Variants in ZNF782 observed in about 807,000 individuals in gnomAD.
The protein encoded by ZNF782 is zinc finger protein 782.
Under a neutral mutation model 13.0 loss-of-function variants are expected in ZNF782, and 12 were observed. That is an observed-to-expected ratio of 0.92 (90% confidence interval 0.59 to 1.50). ZNF782 has a LOEUF of 1.50. ZNF782 is among the 40% of genes most tolerant of loss of function. The probability of loss-of-function intolerance (pLI) is 0.00; values close to 1 mark genes in which losing one functional copy is unlikely to be tolerated. For synonymous variants in ZNF782, 284 were observed against 283.0 expected (o/e 1.00, Z -0.04); for missense variants, 770 against 822.9 (o/e 0.94, Z 0.79).
chr9:96,824,023 A>T (rs1850515927), intron 5 of ZNF782, among the ~76,000 whole-genome samples: 1 of 152,218 alleles, frequency 6.6e-6, no homozygotes, highest in Admixed American at 6.5e-5. Flanking sequence ...CAATCAACAG[A>T]AAAAGAGGGA....
upstream of ZNF782, among the ~76,000 whole-genome samples, chr9:96,880,004 T>C (rs1303832179): frequency 6.6e-6 from 1 of 152,232 alleles, no homozygotes; most frequent in East Asian, 1.9e-4. Context: ...ATGGCCAGGA[T>C]TCCCAGTACT....
In ZNF782 at chr9:96,818,650, G is replaced by C. The variant is rs754841571; in HGVS notation, c.1373C>G (p.Ser458Cys). Residue 458 changes from serine to cysteine, a missense_variant, in exon 6 of 6, where the codon TCT (serine) becomes TGT (cysteine). By Grantham distance (112) the Ser-to-Cys change is moderately radical. Transcript: ENST00000481138. ...KPFECHECGK[S>C]FNYKSILIVH... ...TATGAGGATTGACTTATAGTTAAAA[G>C]ATTTCCCACATTCATGACATTCGAA... is the stretch of plus-strand genomic sequence containing the variant. 27 of 1,614,048 alleles carry C rather than the reference G, an allele frequency of 1.7e-5. No individual in the cohort carries two copies. The highest frequency in any genetic ancestry group is 2.1e-5 in the Non-Finnish European group (25 of 1,180,026).
intron 1 of ZNF782, 56 bp downstream of exon 1, chr9:96,854,032 T>A (rs924327705): frequency 2.6e-5 from 4 of 152,216 alleles, no homozygotes; most frequent in African/African-American, 9.7e-5. Flanking sequence ...GAAACCTGAC[T>A]CTCATCCACG....
chr9:96,874,766 A>T (rs1851872791), intron 1 of ZNF782, among the ~76,000 whole-genome samples: 1 of 152,138 alleles, frequency 6.6e-6, no homozygotes, highest in African/African-American at 2.4e-5. Flanking sequence ...TTCCTAATTC[A>T]CAAGAGCTGC....
upstream of ZNF782, among the ~76,000 whole-genome samples, chr9:96,878,079 G>A (rs1588179820): frequency 1.3e-5 from 2 of 152,232 alleles, no homozygotes; most frequent in South Asian, 2.1e-4. Context: ...GCCTAGTTTC[G>A]CTCTTGTTGC....
In ZNF782 at chr9:96,854,106, A is replaced by C. The variant is rs1300012481; in HGVS notation, c.-280T>G. ...AACTTACCCGGGTTTTTCCAGCTCC[A>C]GAGCTCGGGGTCTCGATGCAGACCC... On this transcript the variant is annotated 5_prime_UTR_variant, in exon 1 of 6. Coordinates refer to ENST00000481138, the MANE Select transcript of ZNF782 (RefSeq NM_001001662.3). 1 of 152,194 alleles carries C rather than the reference A, an allele frequency of 6.6e-6. No homozygotes were observed. The highest frequency in any genetic ancestry group is 2.4e-5 in the African/African-American group (1 of 41,448). 9.4% of individuals were successfully genotyped at this position (152,194 alleles called of 1,614,324 possible). A position where few individuals can be genotyped will look rare whatever the true frequency, so the allele number is the denominator to read the frequency against.
At chr9:96,878,621 C>CTA (rs149269969), upstream of ZNF782, among the ~76,000 whole-genome samples, 856 of 152,290 alleles carry the variant, frequency 5.6e-3, 7 homozygotes, top group African/African-American at 0.02. Flanking sequence ...TCTGATCAGG[C>CTA]TATAGAGAAG....
the ZNF782 span, among the ~76,000 whole-genome samples, chr9:96,931,551 G>A: frequency 8.6e-5 from 13 of 151,434 alleles, no homozygotes; most frequent in Non-Finnish European, 7.4e-5. Context: ...CTCTCTAGTG[G>A]AGCGACTCTG....
chr9:96,932,019 C>A, the ZNF782 span: 6 of 1,609,552 alleles, frequency 3.7e-6, no homozygotes, highest in Non-Finnish European at 5.1e-6. Context: ...CTAACTCAGG[C>A]CCCCCTCGTC....
At chr9:96,887,405 A>G in the ZNF782 span, 1 of 152,284 alleles carries the variant, frequency 6.6e-6, no homozygotes, top group African/African-American at 2.4e-5. Context: ...CAGCCCTCAT[A>G]TATCAGAATT....
chr9:96,833,498 A>C (rs539511460), intron 4 of ZNF782, among the ~76,000 whole-genome samples: 9 of 152,228 alleles, frequency 5.9e-5, no homozygotes, highest in African/African-American at 1.7e-4. Context: ...CTCATAACTA[A>C]AGTGGGGTTA....
chr9:96,850,412 G>A lies in ZNF782; in HGVS notation c.15+1535C>T, dbSNP rs1015907970. 2.0e-5 allele frequency among the ~76,000 whole-genome samples: 3 copies of A among 152,132 alleles called. No homozygotes were observed. The highest frequency in any genetic ancestry group is 4.4e-5 in the Non-Finnish European group (3 of 68,034). On this transcript the variant is annotated intron_variant, in intron 3 of 5. Coordinates refer to ENST00000481138, the MANE Select transcript of ZNF782 (RefSeq NM_001001662.3). This position sits in a 1 kb window ranked among gnomAD's most constrained non-coding sequence, Gnocchi z 4.3. ...TATCACAGGAGTAGAAAACCAAACC[G>A]TACGTTCTCACTTATAAGTGGGAGC...
At chr9:96,903,908 G>A in the ZNF782 span, among the ~76,000 whole-genome samples, 11 of 151,792 alleles carry the variant, frequency 7.2e-5, no homozygotes, top group African/African-American at 2.2e-4. Flanking sequence ...GGGACTGGTG[G>A]GTCATATAGT....
the ZNF782 span, among the ~76,000 whole-genome samples, chr9:96,927,161 G>A: frequency 6.6e-6 from 1 of 152,298 alleles, no homozygotes; most frequent in South Asian, 2.1e-4. Context: ...CACATGTGAT[G>A]ACACTTGTGA....
chr9:96,875,529 G>C, exon 1 of ZNF782: 1 of 456,764 alleles, frequency 2.2e-6, no homozygotes, highest in Non-Finnish European at 4.4e-6. Context: ...TCTTGCCACA[G>C]ACACAGCGCC....
chr9:96,885,097 T>G, the ZNF782 span, among the ~76,000 whole-genome samples: 2 of 151,424 alleles, frequency 1.3e-5, no homozygotes, highest in African/African-American at 4.8e-5. Flanking sequence ...ATAGAAAATA[T>G]CTGGGATACA....
rs114244780 is a variant in ZNF782 at position 96,874,153 on chromosome 9, C to T, written c.-457+1315G>A. 4.7e-3 allele frequency among the ~76,000 whole-genome samples: 720 copies of T among 152,298 alleles called. 5 individuals are homozygous for T. The highest frequency in any genetic ancestry group is 0.016 in the African/African-American group (676 of 41,558). On this transcript the variant is annotated intron_variant, in intron 1 of 5. Transcript: ENST00000498811. ...AATACAAAAGAACAAGCTACTAAAA[C>T]ATGGATGACCTGGACCTGTGACGGA...
chr9:96,876,923 T>C (rs972698148), upstream of ZNF782, among the ~76,000 whole-genome samples: 1 of 112,586 alleles, frequency 8.9e-6, no homozygotes, highest in Non-Finnish European at 1.6e-5. Context: ...GGAGAATTGC[T>C]TGAACTCGGA....
the ZNF782 span, chr9:96,895,763 AGTG>A: frequency 6.7e-6 from 1 of 148,624 alleles, no homozygotes; most frequent in African/African-American, 2.6e-5. Context: ...TCTGTCTTGC[AGTG>A]GGTCGTCTTG....
Sources: gnomAD v4.1 joint callset for allele counts (sites outside exome capture counted in the v4.1 genomes callset) on GRCh38, gnomAD v4.1.1 for gene constraint, Gnocchi (gnomAD v3.1) non-coding constraint, MANE v1.5 for transcripts, NCBI Gene and HGNC (gene_info 2026-07-23, HGNC 2026-07-21) for gene names.